Variants in NIBAN2 observed in about 807,000 individuals in gnomAD.
NIBAN2 encodes the protein niban apoptosis regulator 2.
Under a neutral mutation model 81.8 loss-of-function variants are expected in NIBAN2, and 36 were observed. The ratio of observed to expected loss-of-function variants is 0.44; its 90% CI spans 0.34 to 0.58. The LOEUF is 0.58. Ranked by LOEUF, NIBAN2 falls within the 20% of genes least tolerant of loss-of-function variation. The probability of loss-of-function intolerance (pLI) is 0.02; values close to 1 mark genes in which losing one functional copy is unlikely to be tolerated. For synonymous variants in NIBAN2, 445 were observed against 441.6 expected (o/e 1.01, Z -0.10); for missense variants, 897 against 1,014.1 (o/e 0.88, Z 1.57).
In NIBAN2 at chr9:127,506,782, G is replaced by T. The variant is rs1174161794; in HGVS notation, c.*63C>A. 1 of 1,466,820 alleles carries T rather than the reference G, an allele frequency of 6.8e-7. No individual in the cohort carries two copies. The allele number at this position is 1,466,820 out of a possible 1,614,324, so 90.9% of individuals were successfully genotyped here. ...AGACCAGGGTGCCCTCCCCAGAGCT[G>T]AGCCTGCCTGGGTCCGGAAGGGAAC... On this transcript the variant is annotated 3_prime_UTR_variant, in exon 14 of 14. Transcript: ENST00000373312.
Position 127,531,704 on chromosome 9 carries a change from T to C in NIBAN2, c.130A>G (p.Met44Val). 6.2e-7 allele frequency: 1 copy of C among 1,614,136 alleles called. No homozygotes were observed. The highest frequency in any genetic ancestry group is 1.1e-5 in the South Asian group (1 of 91,082). ...CCCGTGCCCTCAATCTCATGGCGCATGCTGTTGAAGAGAGCCACGCCATAC... is the reference window on the plus strand; with the variant it reads ...CCCGTGCCCTCAATCTCATGGCGCACGCTGTTGAAGAGAGCCACGCCATAC... ...DQYGVALFNS[M>V]RHEIEGTGLP... The change falls in exon 2 of 14, where the codon ATG (methionine) becomes GTG (valine). Residue 44 changes from methionine (M) to valine (V), a missense_variant. This residue lies in a region of NIBAN2 where 209 missense variants were observed against 208.4 expected (regional missense o/e 1.00). Transcript: ENST00000373312.
chr9:127,537,818 CTG>C (rs10580403), intron 1 of NIBAN2, among the ~76,000 whole-genome samples: 20,800 of 152,254 alleles, frequency 0.14, 1,714 homozygotes, highest in Admixed American at 0.28. Context: ...AAAGGCCACT[CTG>C]TCAGTCCACA....
intron 1 of NIBAN2, among the ~76,000 whole-genome samples, chr9:127,532,647 G>A (rs1460250899): frequency 6.6e-6 from 1 of 151,876 alleles, no homozygotes; most frequent in East Asian, 1.9e-4. Context: ...ATCCGGATAG[G>A]TGCCAACAAA....
At chr9:127,541,782 G>A (rs1265034437) in intron 1 of NIBAN2, among the ~76,000 whole-genome samples, 1 of 152,124 alleles carries the variant, frequency 6.6e-6, no homozygotes, top group Non-Finnish European at 1.5e-5. Context: ...GGCAAGGGAC[G>A]GATTCAGGGT....
chr9:127,570,519 G>A (rs946886274), upstream of NIBAN2, among the ~76,000 whole-genome samples: 3 of 152,170 alleles, frequency 2.0e-5, no homozygotes, highest in African/African-American at 7.2e-5. Flanking sequence ...ATATCACAAA[G>A]TGCCCAGCAT....
intron 9 of NIBAN2, among the ~76,000 whole-genome samples, chr9:127,509,653 C>T (rs1311951644): frequency 1.3e-5 from 2 of 152,076 alleles, no homozygotes; most frequent in African/African-American, 2.4e-5. Context: ...ACGTTCACCC[C>T]GAGAGCCAGA....
At chr9:127,565,787 A>C (rs950718078) in intron 1 of NIBAN2, among the ~76,000 whole-genome samples, 45 of 149,708 alleles carry the variant, frequency 3.0e-4, no homozygotes, top group Admixed American at 3.3e-4. Context: ...TGTCTCAAAA[A>C]AAAAAAAAAA....
intron 8 of NIBAN2, among the ~76,000 whole-genome samples, chr9:127,516,087 C>A (rs1220436898): frequency 1.3e-5 from 2 of 152,020 alleles, no homozygotes; most frequent in Non-Finnish European, 2.9e-5. Context: ...CGTGCCATTG[C>A]ACTGCAGCCT....
At position 127,508,119 on chromosome 9, in the gene NIBAN2, T is replaced by C; in HGVS notation, c.1516A>G (p.Lys506Glu). The C allele has an allele frequency of 6.2e-7, 1 of 1,613,606 alleles. No homozygotes were observed. Among genetic ancestry groups the C allele is most frequent in the Non-Finnish European group, 8.5e-7 (1 of 1,179,988 alleles). Residue 506 changes from lysine (K) to glutamate (E), a missense_variant, in exon 12 of 14, where the codon AAG becomes GAG. Lys to Glu is a moderately conservative substitution (Grantham distance 56, BLOSUM62 1). Transcript: ENST00000373312. This position sits in a 1 kb window ranked among gnomAD's most constrained non-coding sequence, Gnocchi z 6.4. ...LLQISIPFLL[K>E]KLAPTCKSEL... ...GACTTGCAGGTAGGGGCCAGCTTCT[T>C]GAGCAGGAACGGGATGCTGATCTGC...
rs147477454 is a variant in NIBAN2 at position 127,536,336 on chromosome 9, C to A, written c.56-4558G>T. Among the ~76,000 whole-genome samples the A allele has an allele frequency of 5.0e-3, 760 of 152,278 alleles. 11 individuals are homozygous for A. The highest frequency in any genetic ancestry group is 0.018 in the South Asian group (88 of 4,824). On this transcript the variant is annotated intron_variant, in intron 1 of 13. Transcript: ENST00000373312. This position sits in a 1 kb window ranked among gnomAD's most constrained non-coding sequence, Gnocchi z 4.0. ...GGACCCTGCTGGAAGAGGACCCAGGCGAGCACTGCAGCCCTGGTGGGGGCT... is the reference window on the plus strand; with the variant it reads ...GGACCCTGCTGGAAGAGGACCCAGGAGAGCACTGCAGCCCTGGTGGGGGCT...
At chr9:127,555,232 G>A (rs77264738) in intron 1 of NIBAN2, among the ~76,000 whole-genome samples, 5 of 152,134 alleles carry the variant, frequency 3.3e-5, no homozygotes, top group Admixed American at 1.3e-4. Context: ...AAATGTTGGG[G>A]TGGGTTTCTC....
chr9:127,510,218 A>G lies in NIBAN2; in HGVS notation c.1089T>C (p.Asp363=). The G allele has an allele frequency of 6.2e-7, 1 of 1,614,086 alleles. No homozygotes were observed. The highest frequency in any genetic ancestry group is 8.5e-7 in the Non-Finnish European group (1 of 1,179,992). The change falls in exon 9 of 14, where the codon GAT becomes GAC. Residue 363 remains aspartate, a synonymous_variant. Transcript: ENST00000373312. ...PTSQGFTEVR[D]VFFKEVTDMN... ...TGTCCGTGACCTCCTTGAAGAAGAC[A>G]TCTCGCACCTCAGTGAAGCCCTGGC...
At chr9:127,556,367 CCA>C (rs150830629) in intron 1 of NIBAN2, among the ~76,000 whole-genome samples, 1 of 151,460 alleles carries the variant, frequency 6.6e-6, no homozygotes, top group Non-Finnish European at 1.5e-5. Flanking sequence ...CCCCCACCAA[CCA>C]CACACACACA....
chr9:127,554,752 G>T (rs974881473), intron 1 of NIBAN2, among the ~76,000 whole-genome samples: 1 of 151,104 alleles, frequency 6.6e-6, no homozygotes, highest in Non-Finnish European at 1.5e-5. Flanking sequence ...GTAGAGACGG[G>T]GGGTGGGGGT....
intron 2 of NIBAN2, 145 bp from the exon 3 acceptor site, chr9:127,527,467 G>T: frequency 1.4e-6 from 1 of 732,276 alleles, no homozygotes; most frequent in Non-Finnish European, 2.3e-6. Flanking sequence ...GTCCTCCCAA[G>T]GCCTCTGAGG....
intron 8 of NIBAN2, among the ~76,000 whole-genome samples, chr9:127,512,201 A>C (rs1475736237): frequency 1.3e-5 from 2 of 151,900 alleles, no homozygotes; most frequent in African/African-American, 4.8e-5. Context: ...TCTTCCTATG[A>C]CCTGGAAGCC....
At chr9:127,566,797 G>A (rs898869113) in intron 1 of NIBAN2, among the ~76,000 whole-genome samples, 9 of 152,162 alleles carry the variant, frequency 5.9e-5, no homozygotes, top group African/African-American at 1.7e-4. Flanking sequence ...CACTGGAGGA[G>A]GCAAATACAC....
At position 127,506,528 on chromosome 9, in the gene NIBAN2, G is replaced by A; in HGVS notation, c.*317C>T. 1 of 270,886 alleles carries A rather than the reference G, an allele frequency of 3.7e-6. No individual in the cohort carries two copies. The highest frequency in any genetic ancestry group is 6.6e-5 in the East Asian group (1 of 15,204). The allele number at this position is 270,886 out of a possible 1,614,324, so 16.8% of individuals were successfully genotyped here. A position where few individuals can be genotyped will look rare whatever the true frequency, so the allele number is the denominator to read the frequency against. ...GGAAGGATGGCAGCACCCATGAGGG[G>A]ATGGAGGCCACAGAAGGACAGGAAG... On this transcript the variant is annotated 3_prime_UTR_variant, in exon 14 of 14. Transcript: ENST00000373312.
chr9:127,574,843 G>A, intron 1 of NIBAN2, among the ~76,000 whole-genome samples: 1 of 150,902 alleles, frequency 6.6e-6, no homozygotes, highest in East Asian at 1.9e-4. Flanking sequence ...TGGTGGAAAG[G>A]TCCGTAGCTT....
Sources: allele counts gnomAD v4.1 joint callset (sites outside exome capture counted in the v4.1 genomes callset), GRCh38; gene constraint gnomAD v4.1.1; regional missense constraint gnomAD v4.1.1; non-coding constraint Gnocchi (gnomAD v3.1); transcripts MANE v1.5; gene names NCBI Gene and HGNC (gene_info 2026-07-23, HGNC 2026-07-21).